The following PDE1A variants were observed in gnomAD, a reference collection of about 807,000 sequenced individuals.
The protein encoded by PDE1A is dual specificity calcium/calmodulin-dependent 3',5'-cyclic nucleotide phosphodiesterase 1A.
In PDE1A, 35 loss-of-function variants were observed where a neutral mutation model predicts 61.7. That is an observed-to-expected ratio of 0.57 (90% CI 0.43 to 0.75). The LOEUF (loss-of-function observed/expected upper bound fraction) is 0.75, where lower values mean the gene tolerates loss of function less well. Ranked by LOEUF, PDE1A falls within the 30% of genes least tolerant of loss-of-function variation. The pLI is 0.00. For synonymous variants in PDE1A, 232 were observed against 213.2 expected, an observed-to-expected ratio of 1.09 and a Z score of -0.77; for missense variants, 597 against 630.6, an observed-to-expected ratio of 0.95 and a Z score of 0.57.
chr2:182,287,517 G>A (rs1020947369), intron 1 of PDE1A, among the ~76,000 whole-genome samples: 2 of 152,032 alleles, frequency 1.3e-5, no homozygotes, highest in African/African-American at 2.4e-5. Context: ...TAGAATACTA[G>A]CCCTGTTTGG....
chr2:182,197,922 C>T (rs560029957), intron 10 of PDE1A, among the ~76,000 whole-genome samples: 1 of 151,824 alleles, frequency 6.6e-6, no homozygotes, highest in Non-Finnish European at 1.5e-5. Flanking sequence ...TTAGAATCAG[C>T]CTTTCAACTT....
At chr2:182,212,143 T>G (rs946545994) in intron 7 of PDE1A, among the ~76,000 whole-genome samples, 1 of 152,006 alleles carries the variant, frequency 6.6e-6, no homozygotes, top group Non-Finnish European at 1.5e-5. Flanking sequence ...TGTAGGTTTT[T>G]TATAAATAGA....
chr2:182,684,188 A>G, the PDE1A span, among the ~76,000 whole-genome samples: 10 of 151,954 alleles, frequency 6.6e-5, no homozygotes, highest in Non-Finnish European at 5.9e-5. Context: ...TACCTAAAAA[A>G]AATTATATAA....
chr2:182,217,863 A>T (rs1688342475), intron 7 of PDE1A, among the ~76,000 whole-genome samples: 1 of 151,972 alleles, frequency 6.6e-6, no homozygotes, highest in Non-Finnish European at 1.5e-5. Context: ...CAGTGTGGAG[A>T]TTCCTCAGGG....
intron 1 of PDE1A, among the ~76,000 whole-genome samples, chr2:182,393,545 G>A (rs945617912): frequency 6.6e-5 from 10 of 152,220 alleles, no homozygotes; most frequent in African/African-American, 2.4e-4. Context: ...TTCCTCAGAA[G>A]ATGGGTTTTT....
intron 2 of PDE1A, among the ~76,000 whole-genome samples, chr2:182,481,748 G>A (rs753150978): frequency 4.0e-5 from 6 of 151,836 alleles, no homozygotes; most frequent in African/African-American, 1.2e-4. Flanking sequence ...GTCCAATCTC[G>A]TCTCTTTTCT....
chr2:182,317,264 T>C (rs573721598), intron 1 of PDE1A, among the ~76,000 whole-genome samples: 1 of 151,798 alleles, frequency 6.6e-6, no homozygotes, highest in African/African-American at 2.4e-5. Flanking sequence ...TTTTTTTTTT[T>C]TTTGAGGATA....
chr2:182,547,803 T>C, the PDE1A span, among the ~76,000 whole-genome samples: 1 of 152,236 alleles, frequency 6.6e-6, no homozygotes, highest in Non-Finnish European at 1.5e-5. Flanking sequence ...CTAATATATT[T>C]ATCAATTATT....
intron 1 of PDE1A, among the ~76,000 whole-genome samples, chr2:182,406,341 G>C (rs1364151051): frequency 6.8e-6 from 1 of 148,100 alleles, no homozygotes; most frequent in Non-Finnish European, 1.5e-5. Flanking sequence ...CTGATTAGCA[G>C]TCAATTTATT....
rs542227184 is a variant in PDE1A at position 182,358,847 on chromosome 2, T to G, written c.53+67731A>C. On this transcript the variant is annotated intron_variant, in intron 1 of 13. Transcript: ENST00000351439. Reference sequence around the variant, plus strand: ...ATTTCCTGAAAGTTTTGTTTCTTGTTATTAGAAGAGATGGCATTCAAACTG... The same window carrying G: ...ATTTCCTGAAAGTTTTGTTTCTTGTGATTAGAAGAGATGGCATTCAAACTG... Among the ~76,000 whole-genome samples the G allele has an allele frequency of 7.2e-5, 11 of 152,278 alleles. No homozygotes were observed. The South Asian group carries it at 2.3e-3, about 32-fold the overall frequency.
intron 3 of PDE1A, among the ~76,000 whole-genome samples, chr2:182,237,249 T>C (rs149659483): frequency 1.3e-5 from 2 of 152,268 alleles, no homozygotes; most frequent in Non-Finnish European, 1.5e-5. Flanking sequence ...TCCCAGAACT[T>C]TGGGAGGCCG....
chr2:182,553,250 T>C, the PDE1A span, among the ~76,000 whole-genome samples: 2 of 152,082 alleles, frequency 1.3e-5, no homozygotes, highest in Non-Finnish European at 2.9e-5. Context: ...CCCACCACCA[T>C]CTTGGAAGTG....
At chr2:182,707,532 T>C in the PDE1A span, among the ~76,000 whole-genome samples, 1 of 150,728 alleles carries the variant, frequency 6.6e-6, no homozygotes, top group Non-Finnish European at 1.5e-5. Context: ...TACGACAACT[T>C]AGATGAAATA....
At chr2:182,442,535 G>A (rs1180890744) in intron 2 of PDE1A, among the ~76,000 whole-genome samples, 1 of 151,938 alleles carries the variant, frequency 6.6e-6, no homozygotes, top group African/African-American at 2.4e-5. Flanking sequence ...GCAAATGTGT[G>A]ATAAAAATTA....
intron 2 of PDE1A, among the ~76,000 whole-genome samples, chr2:182,435,133 C>A (rs1015074453): frequency 3.9e-5 from 6 of 151,934 alleles, no homozygotes; most frequent in Admixed American, 6.6e-5. Context: ...AGTAGTGTAA[C>A]ATTATATGAA....
intron 2 of PDE1A, among the ~76,000 whole-genome samples, chr2:182,447,445 C>A (rs540395966): frequency 6.6e-6 from 1 of 152,122 alleles, no homozygotes; most frequent in African/African-American, 2.4e-5. Context: ...CATGAGGAGC[C>A]CTTTTTGCTG....
chr2:182,325,762 C>T (rs931752144), intron 1 of PDE1A, among the ~76,000 whole-genome samples: 2 of 151,980 alleles, frequency 1.3e-5, no homozygotes, highest in African/African-American at 4.8e-5. Context: ...TACTAAAATA[C>T]AAAAAAATTA....
intron 13 of PDE1A, among the ~76,000 whole-genome samples, chr2:182,183,316 T>C (rs58962279): frequency 0.041 from 6,221 of 152,208 alleles, 436 homozygotes; most frequent in African/African-American, 0.14. Context: ...ACATAATAAT[T>C]TGAGAAACAT....
At chr2:182,442,478 T>A (rs1447447741) in intron 2 of PDE1A, among the ~76,000 whole-genome samples, 1 of 152,082 alleles carries the variant, frequency 6.6e-6, no homozygotes, top group Non-Finnish European at 1.5e-5. Context: ...GATTAAACAG[T>A]ATTTTACCTG....
Sources: allele counts gnomAD v4.1 joint callset (sites outside exome capture counted in the v4.1 genomes callset), GRCh38; gene constraint gnomAD v4.1.1; transcripts MANE v1.5; gene names NCBI Gene and HGNC (gene_info 2026-07-23, HGNC 2026-07-21).